Variants in BICDL1 observed in about 807,000 individuals in gnomAD.
The protein encoded by BICDL1 is BICD family-like cargo adapter 1.
Under a neutral mutation model 76.8 loss-of-function variants are expected in BICDL1, and 20 were observed. The ratio of observed to expected loss-of-function variants is 0.26; its 90% confidence interval spans 0.18 to 0.38. The LOEUF (loss-of-function observed/expected upper bound fraction) is 0.38, where lower values mean the gene tolerates loss of function less well. BICDL1 is among the 10% of genes least tolerant of loss of function. BICDL1 has a pLI of 1.00. For missense variants in BICDL1, 700 were observed against 798.6 expected, an observed-to-expected ratio of 0.88 and a Z score of 1.49; for synonymous variants, 383 against 337.1, an observed-to-expected ratio of 1.14 and a Z score of -1.49.
At position 120,052,318 on chromosome 12, in the gene BICDL1, TCTC is replaced by T. The variant is rs1566245064; in HGVS notation, c.646-9391_646-9389del. Among the ~76,000 whole-genome samples, 1,213 of 149,280 alleles carry T rather than the reference TCTC, an allele frequency of 8.1e-3. 23 individuals are homozygous for T. Among genetic ancestry groups the T allele is most frequent in the African/African-American group, 0.029 (1,180 of 40,962 alleles). ...TTCTTCCTTCCTTCCTTTCTCTCTC[TCTC>T]TCTCTCTTTCTCTGTTTCTCTTTTT... On this transcript the variant is annotated intron_variant, in intron 2 of 9. Transcript: ENST00000548673.
chr12:120,070,126 G>C (rs913719897), intron 4 of BICDL1, among the ~76,000 whole-genome samples: 16 of 152,068 alleles, frequency 1.1e-4, no homozygotes, highest in African/African-American at 3.9e-4. Flanking sequence ...TTTCATTTTT[G>C]TTGGGTCTAC....
At chr12:120,035,167 C>A (rs1443217876) in intron 2 of BICDL1, among the ~76,000 whole-genome samples, 1 of 152,136 alleles carries the variant, frequency 6.6e-6, no homozygotes, top group Non-Finnish European at 1.5e-5. Flanking sequence ...AAAACCCCAT[C>A]TCTACTAAAA....
At chr12:120,077,577 C>T (rs1225616273) in intron 7 of BICDL1, among the ~76,000 whole-genome samples, 1 of 152,222 alleles carries the variant, frequency 6.6e-6, no homozygotes, top group African/African-American at 2.4e-5. Flanking sequence ...TCATGCTTGA[C>T]TCGAGTGCAC....
intron 2 of BICDL1, among the ~76,000 whole-genome samples, chr12:120,031,852 A>G (rs968923587): frequency 6.6e-6 from 1 of 152,162 alleles, no homozygotes; most frequent in African/African-American, 2.4e-5. Context: ...AGCCTTCAGA[A>G]GGTCGAGGCA....
At chr12:120,074,207 G>A (rs1244328654) in intron 6 of BICDL1, among the ~76,000 whole-genome samples, 5 of 151,956 alleles carry the variant, frequency 3.3e-5, no homozygotes, top group African/African-American at 9.7e-5. Context: ...CACTGCGCCC[G>A]GCCACAATCT....
chr12:119,996,867 T>C (rs1951658860), intron 1 of BICDL1, among the ~76,000 whole-genome samples: 1 of 152,214 alleles, frequency 6.6e-6, no homozygotes, highest in Admixed American at 6.5e-5. Context: ...AAGTATAGTT[T>C]TGGCTGTTGT....
At chr12:120,008,946 GTT>G (rs557926360) in intron 2 of BICDL1, among the ~76,000 whole-genome samples, 4 of 131,614 alleles carry the variant, frequency 3.0e-5, no homozygotes, top group Admixed American at 1.5e-4. Context: ...GCATAGAGGT[GTT>G]TTTTTTTTTT....
intron 2 of BICDL1, among the ~76,000 whole-genome samples, chr12:120,054,336 A>G (rs2138866306): frequency 6.6e-6 from 1 of 151,904 alleles, no homozygotes; most frequent in East Asian, 2.0e-4. Flanking sequence ...CAGCCTCCCA[A>G]ATTGGTGCTG....
intron 1 of BICDL1, among the ~76,000 whole-genome samples, chr12:119,995,948 T>G (rs943151363): frequency 6.7e-6 from 1 of 150,284 alleles, no homozygotes; most frequent in Non-Finnish European, 1.5e-5. Flanking sequence ...ATCATGCCAC[T>G]GCACTCCAGC....
intron 2 of BICDL1, chr12:120,057,004 C>T: frequency 2.0e-6 from 1 of 494,582 alleles, no homozygotes. Context: ...CAGTGGTCCT[C>T]TCGCCCACGC....
chr12:120,042,315 A>G (rs1484557066), intron 2 of BICDL1, among the ~76,000 whole-genome samples: 2 of 152,034 alleles, frequency 1.3e-5, no homozygotes, highest in African/African-American at 4.8e-5. Context: ...GTGGAGTGTG[A>G]GGGGAAAATC....
chr12:120,058,857 C>T (rs1209050200), intron 2 of BICDL1, among the ~76,000 whole-genome samples: 2 of 151,894 alleles, frequency 1.3e-5, no homozygotes, highest in Non-Finnish European at 2.9e-5. Context: ...TCCCAAAGTG[C>T]TGGGATTAGA....
chr12:120,001,636 T>G (rs960331802), intron 2 of BICDL1, among the ~76,000 whole-genome samples: 2 of 152,242 alleles, frequency 1.3e-5, no homozygotes, highest in Non-Finnish European at 2.9e-5. Flanking sequence ...CTTTGATACC[T>G]TCGTCCAGAG....
intron 2 of BICDL1, among the ~76,000 whole-genome samples, chr12:120,035,988 C>T (rs1952523457): frequency 1.3e-5 from 2 of 152,144 alleles, no homozygotes; most frequent in South Asian, 4.1e-4. Flanking sequence ...TCTTCTTTCA[C>T]TTAACATTTA....
chr12:120,013,401 T>C (rs1042818293), intron 2 of BICDL1, among the ~76,000 whole-genome samples: 7 of 151,608 alleles, frequency 4.6e-5, no homozygotes, highest in African/African-American at 1.7e-4. Flanking sequence ...TGCTAGGTTT[T>C]AGACACCATG....
At chr12:120,068,099 G>T (rs1259128279) in intron 4 of BICDL1, among the ~76,000 whole-genome samples, 1 of 152,172 alleles carries the variant, frequency 6.6e-6, no homozygotes, top group Non-Finnish European at 1.5e-5. Flanking sequence ...CTAAGGCTCT[G>T]CAAGGCAGCT....
At chr12:120,032,926 T>C (rs1202841952) in intron 2 of BICDL1, among the ~76,000 whole-genome samples, 2 of 151,858 alleles carry the variant, frequency 1.3e-5, no homozygotes, top group African/African-American at 4.8e-5. Flanking sequence ...TTTGTATTTT[T>C]AGTAGAGATA....
intron 2 of BICDL1, among the ~76,000 whole-genome samples, chr12:120,003,510 C>T (rs1343356456): frequency 6.6e-6 from 1 of 152,182 alleles, no homozygotes; most frequent in Non-Finnish European, 1.5e-5. Context: ...TTCACACTCA[C>T]TCTTACACTG....
chr12:120,091,316 A>T, intron 9 of BICDL1: 4 of 1,059,318 alleles, frequency 3.8e-6, no homozygotes, highest in Non-Finnish European at 4.6e-6. Context: ...GGAAACTCTA[A>T]AGGGCGACCT....
Sources: allele counts gnomAD v4.1 joint callset (sites outside exome capture counted in the v4.1 genomes callset), GRCh38; gene constraint gnomAD v4.1.1; transcripts MANE v1.5; gene names NCBI Gene and HGNC (gene_info 2026-07-23, HGNC 2026-07-21).